RNF152: variants seen among roughly 807,000 people sequenced by gnomAD.
RNF152 encodes the protein ring finger protein 152.
A neutral mutation model predicts 12.7 loss-of-function variants in RNF152; 11 were observed. That is an observed-to-expected ratio of 0.86 (90% CI 0.54 to 1.43). RNF152 has a LOEUF of 1.43. Among genes scored for constraint, RNF152 ranks in the 40% most tolerant of loss-of-function variants. RNF152 has a pLI of 0.00. For missense variants in RNF152, 255 were observed against 274.8 expected (o/e 0.93, Z 0.51); for synonymous variants, 113 against 120.3 (o/e 0.94, Z 0.40).
chr18:61,864,679 C>A (rs548176354), intron 1 of RNF152, among the ~76,000 whole-genome samples: 1 of 152,150 alleles, frequency 6.6e-6, no homozygotes, highest in Non-Finnish European at 1.5e-5. Context: ...GTTCCTCTGG[C>A]GACCAGCTGG....
chr18:61,894,129 A>G (rs2144785387), upstream of RNF152: 1 of 152,202 alleles, frequency 6.6e-6, no homozygotes, highest in African/African-American at 2.4e-5. This position sits in a 1 kb window ranked among gnomAD's most constrained non-coding sequence, Gnocchi z 4.9. Flanking sequence ...AGAGCAGAGA[A>G]ACAAACCGAA....
chr18:61,836,413 G>T lies in RNF152; in HGVS notation c.-135-19815C>A, dbSNP rs562370900. Among the ~76,000 whole-genome samples the T allele has an allele frequency of 6.2e-4, 95 of 152,292 alleles. 3 individuals carry two copies. The highest frequency in any genetic ancestry group is 1.2e-3 in the South Asian group (6 of 4,824). ...ATGACATTTGGAGGTAGGGCCTTCA[G>T]GAGGTAATTAGGTTTAGATGAGGTC... On this transcript the variant is annotated intron_variant, in intron 1 of 1. Coordinates refer to ENST00000312828, the MANE Select transcript of RNF152 (RefSeq NM_173557.3).
At chr18:61,861,964 C>T (rs1229002978) in intron 1 of RNF152, among the ~76,000 whole-genome samples, 1 of 152,128 alleles carries the variant, frequency 6.6e-6, no homozygotes. Flanking sequence ...ATTTGGAGGG[C>T]TCAGACACCC....
At chr18:61,847,119 T>C (rs1910774997) in intron 1 of RNF152, among the ~76,000 whole-genome samples, 1 of 152,038 alleles carries the variant, frequency 6.6e-6, no homozygotes, top group South Asian at 2.1e-4. Context: ...ACCTCACCAT[T>C]CAGAGCAACT....
chr18:61,819,255 G>A (rs1022656126), intron 1 of RNF152, among the ~76,000 whole-genome samples: 7 of 152,214 alleles, frequency 4.6e-5, no homozygotes, highest in Admixed American at 2.0e-4. Context: ...CCCAACCAGG[G>A]ATAGCAGATC....
intron 1 of RNF152, among the ~76,000 whole-genome samples, chr18:61,818,658 T>C (rs1254611080): frequency 6.6e-6 from 1 of 152,238 alleles, no homozygotes; most frequent in Middle Eastern, 3.2e-3. Flanking sequence ...TTATGGAATA[T>C]CTATTATGCA....
intron 1 of RNF152, among the ~76,000 whole-genome samples, chr18:61,873,284 C>G (rs1205694654): frequency 2.0e-5 from 3 of 152,156 alleles, no homozygotes; most frequent in African/African-American, 7.2e-5. Flanking sequence ...GTACAAATAT[C>G]AGAGATATTT....
intron 1 of RNF152, among the ~76,000 whole-genome samples, chr18:61,824,933 A>T (rs1909587143): frequency 6.6e-6 from 1 of 152,220 alleles, no homozygotes; most frequent in Non-Finnish European, 1.5e-5. Context: ...GTGATAAAAG[A>T]TGCTGACAGA....
At position 61,810,135 on chromosome 18, in the gene RNF152, G is replaced by A. The variant is rs1325251961; in HGVS notation, c.*5717C>T. The A allele has an allele frequency of 6.6e-6, 1 of 152,192 alleles. No homozygotes were observed. Among genetic ancestry groups the A allele is most frequent in the Non-Finnish European group, 1.5e-5 (1 of 68,038 alleles). The allele number at this position is 152,192 out of a possible 1,614,324, so 9.4% of individuals were successfully genotyped here. On this transcript the variant is annotated 3_prime_UTR_variant, in exon 2 of 2. Transcript: ENST00000312828. Reference sequence around the variant, plus strand: ...ATATAGACACTCCCAAAGGTAGTTAGTTTGACATAATGTATGCAGCCCATA... The same window carrying A: ...ATATAGACACTCCCAAAGGTAGTTAATTTGACATAATGTATGCAGCCCATA...
chr18:61,835,273 T>C (rs184997985), intron 1 of RNF152, among the ~76,000 whole-genome samples: 232 of 152,358 alleles, frequency 1.5e-3, no homozygotes, highest in South Asian at 4.1e-3. Context: ...TTCCTATCCA[T>C]AGGAATCTGA....
At chr18:61,882,684 C>G (rs1304441291) in intron 1 of RNF152, among the ~76,000 whole-genome samples, 1 of 152,132 alleles carries the variant, frequency 6.6e-6, no homozygotes, top group African/African-American at 2.4e-5. Context: ...AATGGAGACT[C>G]AGAGAGAGAG....
chr18:61,858,608 T>G (rs1911329489), intron 1 of RNF152, among the ~76,000 whole-genome samples: 1 of 152,116 alleles, frequency 6.6e-6, no homozygotes, highest in Admixed American at 6.5e-5. Context: ...CGACTTCCAC[T>G]CAGGGTTCCC....
At chr18:61,843,111 C>A (rs1359701675) in intron 1 of RNF152, among the ~76,000 whole-genome samples, 1 of 152,222 alleles carries the variant, frequency 6.6e-6, no homozygotes, top group African/African-American at 2.4e-5. Context: ...GGGTATTTGA[C>A]AACCTGCTCT....
chr18:61,890,118 T>G (rs781644911), intron 1 of RNF152, among the ~76,000 whole-genome samples: 1 of 152,224 alleles, frequency 6.6e-6, no homozygotes, highest in East Asian at 1.9e-4. Context: ...CAGGTTGGAA[T>G]AGTAAATATA....
chr18:61,822,790 T>C (rs1020094540), intron 1 of RNF152, among the ~76,000 whole-genome samples: 2 of 152,220 alleles, frequency 1.3e-5, no homozygotes, highest in African/African-American at 4.8e-5. Context: ...TTAAATTCAA[T>C]GGTTGTGTTG....
At chr18:61,828,484 A>G (rs1248750109) in intron 1 of RNF152, among the ~76,000 whole-genome samples, 1 of 152,136 alleles carries the variant, frequency 6.6e-6, no homozygotes, top group Non-Finnish European at 1.5e-5. Flanking sequence ...AAGTGCAGTG[A>G]CACAATCATA....
intron 1 of RNF152, among the ~76,000 whole-genome samples, chr18:61,872,656 G>A (rs546892200): frequency 6.6e-6 from 1 of 152,122 alleles, no homozygotes; most frequent in South Asian, 2.1e-4. Context: ...TACTGTAGTG[G>A]ACTTCCCTCA....
chr18:61,810,980 C>T lies in RNF152; in HGVS notation c.*4872G>A, dbSNP rs149875511. ...AAATTGAAGTCTTTTGTGTATCACTCCTTTTGCACCGATAACTTTTGAACT... is the reference window on the plus strand; with the variant it reads ...AAATTGAAGTCTTTTGTGTATCACTTCTTTTGCACCGATAACTTTTGAACT... On this transcript the variant is annotated 3_prime_UTR_variant, in exon 2 of 2. Coordinates refer to ENST00000312828, the MANE Select transcript of RNF152 (RefSeq NM_173557.3). The T allele has an allele frequency of 6.6e-6, 1 of 152,002 alleles. No homozygotes were observed. The highest frequency in any genetic ancestry group is 2.4e-5 in the African/African-American group (1 of 41,472). 9.4% of individuals were successfully genotyped at this position (152,002 alleles called of 1,614,324 possible). A position where few individuals can be genotyped will look rare whatever the true frequency, so the allele number is the denominator to read the frequency against.
chr18:61,855,467 A>T (rs997243144), intron 1 of RNF152, among the ~76,000 whole-genome samples: 1 of 152,004 alleles, frequency 6.6e-6, no homozygotes, highest in African/African-American at 2.4e-5. Flanking sequence ...GGGCTGTGAC[A>T]CCCCCTTTGG....
Sources: allele counts gnomAD v4.1 joint callset (sites outside exome capture counted in the v4.1 genomes callset), GRCh38; gene constraint gnomAD v4.1.1; non-coding constraint Gnocchi (gnomAD v3.1); transcripts MANE v1.5; gene names NCBI Gene and HGNC (gene_info 2026-07-23, HGNC 2026-07-21).